NEK3: variants seen among roughly 807,000 people sequenced by gnomAD.
NEK3 encodes the protein NIMA related kinase 3.
In NEK3, 54 loss-of-function variants were observed where a neutral mutation model predicts 66.0. The observed-to-expected ratio is 0.82, with a 90% CI of 0.66 to 1.03. The LOEUF is 1.03. Ranked by LOEUF, NEK3 falls within the 50% of genes least tolerant of loss-of-function variation. NEK3 has a pLI of 0.00. For synonymous variants in NEK3, 200 were observed against 206.2 expected, an observed-to-expected ratio of 0.97 and a Z score of 0.26; for missense variants, 593 against 603.0, an observed-to-expected ratio of 0.98 and a Z score of 0.17.
chr13:52,135,731 G>A lies in NEK3; in HGVS notation c.1307C>T (p.Pro436Leu), dbSNP rs750741719. Reference sequence around the variant, plus strand: ...GGTCACATACAGACATGAATTACCTGGTCTATATATTGTGTATGTTTGAAA... The same window carrying A: ...GGTCACATACAGACATGAATTACCTAGTCTATATATTGTGTATGTTTGAAA... ...LAFQTYTIYR[P>L]GSEGFLKGPL... The change falls in exon 14 of 16, where the codon CCA becomes CTA. Residue 436 changes from proline (P) to leucine (L), a missense_variant and splice_region_variant. Pro to Leu is a moderately conservative substitution (Grantham distance 98, BLOSUM62 -3). Coordinates refer to ENST00000610828, the MANE Select transcript of NEK3 (RefSeq NM_002498.3). 14 of 1,610,828 alleles carry A rather than the reference G, an allele frequency of 8.7e-6. No individual in the cohort carries two copies. The highest frequency in any genetic ancestry group is 1.7e-5 in the Admixed American group (1 of 59,406).
chr13:52,151,115 G>T, intron 7 of NEK3, 31 bp downstream of exon 7: 2 of 1,563,904 alleles, frequency 1.3e-6, no homozygotes, highest in Non-Finnish European at 1.7e-6. Flanking sequence ...TCACCAAATG[G>T]GCACCCTGAC....
In NEK3 at chr13:52,152,637, C is replaced by T. The variant is rs56190615; in HGVS notation, c.365G>A (p.Arg122His). 6.9e-3 allele frequency: 11,093 copies of T among 1,609,754 alleles called. 49 individuals carry two copies. The highest frequency in any genetic ancestry group is 7.7e-3 in the Non-Finnish European group (9,104 of 1,177,954). The change falls in exon 5 of 16, where the codon CGT becomes CAT. Residue 122 changes from arginine to histidine, a missense_variant. Physicochemically the swap from Arg to His is conservative, Grantham distance 29. Coordinates refer to ENST00000610828, the MANE Select transcript of NEK3 (RefSeq NM_002498.3). ...CLGVNHIHKK[R>H]VLHRDIKSKN... ...GGACTTGATATCTCTGTGTAGCACA[C>T]GTTTCTTGTGAATGTGATTTACTCC...
At chr13:52,140,066 A>AG (rs1192983351) in intron 11 of NEK3, among the ~76,000 whole-genome samples, 1 of 150,112 alleles carries the variant, frequency 6.7e-6, no homozygotes, top group Admixed American at 6.7e-5. Context: ...AAAAAAAAAA[A>AG]AAGCTAGGCA....
intron 7 of NEK3, among the ~76,000 whole-genome samples, chr13:52,149,560 T>C (rs1956323231): frequency 6.6e-6 from 1 of 152,068 alleles, no homozygotes; most frequent in Non-Finnish European, 1.5e-5. Context: ...CCTCTATATC[T>C]ATCTGAATCT....
At chr13:52,144,955 A>C in intron 8 of NEK3, 64 bp from the exon 9 acceptor site, 1 of 1,062,430 alleles carries the variant, frequency 9.4e-7, no homozygotes, top group East Asian at 2.6e-5. Flanking sequence ...AGAAACTACC[A>C]GTTATGTAAA....
At position 52,143,027 on chromosome 13, in the gene NEK3, T is replaced by C. The variant is rs538541564; in HGVS notation, c.877+888A>G. The stretch of plus-strand genomic sequence containing the variant: ...TTTGGAAAAGGCTCTGGTTTTTGTC[T>C]TTAATTAGGATATTTTACTGTTTAA... On this transcript the variant is annotated intron_variant, in intron 10 of 15. Coordinates refer to ENST00000610828, the MANE Select transcript of NEK3 (RefSeq NM_002498.3). Among the ~76,000 whole-genome samples, 60 of 152,308 alleles carry C rather than the reference T, an allele frequency of 3.9e-4. No individual in the cohort carries two copies. In the South Asian group the frequency reaches 0.012, roughly 30 times the overall value.
In NEK3 at chr13:52,135,864, C is replaced by T. The variant is rs1441391345; in HGVS notation, c.1175-1G>A. On this transcript the variant is annotated splice_acceptor_variant, in intron 13 of 15. Transcript: ENST00000610828. LOFTEE classifies it high-confidence loss of function. ...TTGCTGTACTTTATTACAGAACCAC[C>T]TAGTTGCAAAAAGACAAAAATTAGT... 4 of 1,607,174 alleles carry T rather than the reference C, an allele frequency of 2.5e-6. No individual in the cohort carries two copies. Among genetic ancestry groups the T allele is most frequent in the Non-Finnish European group, 3.4e-6 (4 of 1,178,284 alleles).
Position 52,144,694 on chromosome 13 carries a change from G to T in NEK3, c.801C>A (p.Pro267=). 1 of 1,613,166 alleles carries T rather than the reference G, an allele frequency of 6.2e-7. No homozygotes were observed. Among genetic ancestry groups the T allele is most frequent in the Admixed American group, 1.7e-5 (1 of 59,990 alleles). ...VARLVQKCLP[P]EIIMEYGEEV... is the part of the protein sequence containing the mutation. ...ACCAATCCAACACAGATCATACCTC[G>T]GGGGGTAAGCACTTCTGGACAAGCC... Residue 267 remains proline, a synonymous_variant, in exon 9 of 16, where the codon CCC becomes CCA. Coordinates refer to ENST00000610828, the MANE Select transcript of NEK3 (RefSeq NM_002498.3).
Position 52,147,169 on chromosome 13 carries a change from G to T in NEK3, c.603+1246C>A, listed in dbSNP as rs557466254. On this transcript the variant is annotated intron_variant, in intron 8 of 15. Coordinates refer to ENST00000610828, the MANE Select transcript of NEK3 (RefSeq NM_002498.3). ...AAACTCATATAAGTGAAATCTAACT[G>T]CAAAAAGCTGAGGAAAAAAATGACG... Among the ~76,000 whole-genome samples, 4 of 152,260 alleles carry T rather than the reference G, an allele frequency of 2.6e-5. No individual in the cohort carries two copies. In the East Asian group the frequency reaches 7.7e-4, roughly 29 times the overall value.
Position 52,144,718 on chromosome 13 carries a change from C to CCGAGCTA in NEK3, c.770_776dup (p.Leu260SerfsTer18). ...CGGGGGGTAAGCACTTCTGGACAAGCCGAGCTACGATGCCTCGAGAGAGAA... is the reference window on the plus strand; with the variant it reads ...CGGGGGGTAAGCACTTCTGGACAAGCCGAGCTACGAGCTACGATGCCTCGAGAGAGAA... On this transcript the variant is annotated frameshift_variant, in exon 9 of 16. Transcript: ENST00000610828. LOFTEE classifies it high-confidence loss of function. The CCGAGCTA allele has an allele frequency of 6.2e-7, 1 of 1,613,828 alleles. No individual in the cohort carries two copies. Among genetic ancestry groups the CCGAGCTA allele is most frequent in the Non-Finnish European group, 8.5e-7 (1 of 1,179,856 alleles).
chr13:52,139,722 A>G (rs1956231788), intron 11 of NEK3, among the ~76,000 whole-genome samples: 1 of 151,960 alleles, frequency 6.6e-6, no homozygotes, highest in Non-Finnish European at 1.5e-5. Flanking sequence ...AACATAGCAA[A>G]ACCCCATCTC....
At chr13:52,143,132 C>T (rs1956264558) in intron 10 of NEK3, among the ~76,000 whole-genome samples, 1 of 152,142 alleles carries the variant, frequency 6.6e-6, no homozygotes, top group Admixed American at 6.5e-5. Context: ...GCCTGATCAA[C>T]ATGGTGAAAC....
intron 11 of NEK3, among the ~76,000 whole-genome samples, chr13:52,140,323 T>C (rs1956237528): frequency 6.8e-6 from 1 of 147,446 alleles, no homozygotes; most frequent in Admixed American, 6.8e-5. Flanking sequence ...TAATCAAAAA[T>C]GGAGGCCGGG....
chr13:52,135,694 A>T, intron 14 of NEK3, 35 bp downstream of exon 14: 2 of 1,563,066 alleles, frequency 1.3e-6, no homozygotes, highest in Non-Finnish European at 1.7e-6. Context: ...CAAAAAGTCA[A>T]AGGGTTTCCA....
chr13:52,135,968 C>A, intron 13 of NEK3, 105 bp from the exon 14 acceptor site: 1 of 1,494,854 alleles, frequency 6.7e-7, no homozygotes, highest in Non-Finnish European at 9.1e-7. Flanking sequence ...TGACTGTTAA[C>A]TAAAATCTGC....
intron 10 of NEK3, among the ~76,000 whole-genome samples, chr13:52,142,038 G>A (rs910427576): frequency 5.9e-4 from 90 of 151,978 alleles, no homozygotes; most frequent in African/African-American, 1.9e-3. Flanking sequence ...AGTGAGTTGA[G>A]ACTGCACCAC....
At chr13:52,136,950 CA>C (rs1566850236) in intron 11 of NEK3, 48 bp from the exon 12 acceptor site, 4 of 1,284,030 alleles carry the variant, frequency 3.1e-6, no homozygotes, top group Non-Finnish European at 4.2e-6. Flanking sequence ...TGAATTGCCA[CA>C]AAAAGGTAAA....
chr13:52,149,517 T>C (rs1007053871), intron 7 of NEK3, among the ~76,000 whole-genome samples: 1 of 152,272 alleles, frequency 6.6e-6, no homozygotes, highest in East Asian at 1.9e-4. Context: ...CCCCAATCAT[T>C]CTCATTGGCC....
chr13:52,135,977 G>C (rs1259153300), intron 13 of NEK3, 114 bp from the exon 14 acceptor site: 2 of 1,488,274 alleles, frequency 1.3e-6, no homozygotes, highest in Non-Finnish European at 1.8e-6. Context: ...ACTAAAATCT[G>C]CTTCATTCAC....
Sources: allele counts gnomAD v4.1 joint callset (sites outside exome capture counted in the v4.1 genomes callset), GRCh38; gene constraint gnomAD v4.1.1; transcripts MANE v1.5; gene names NCBI Gene and HGNC (gene_info 2026-07-23, HGNC 2026-07-21).